The following PLA2G4D variants were observed in gnomAD, a reference collection of about 807,000 sequenced individuals.
PLA2G4D encodes phospholipase A2 group IVD, also known as cytosolic phospholipase A2 delta.
PLA2G4D carries 80 observed loss-of-function variants against 94.4 expected under a neutral mutation model. The ratio of observed to expected loss-of-function variants is 0.85; its 90% confidence interval spans 0.71 to 1.02. The LOEUF is 1.02. Among genes scored for constraint, PLA2G4D ranks in the 50% least tolerant of loss-of-function variants. The pLI, the probability that PLA2G4D is intolerant of heterozygous loss-of-function variation, is 0.00. For missense variants in PLA2G4D, 1,050 were observed against 1,034.7 expected (o/e 1.01, Z -0.20); for synonymous variants, 438 against 440.9 (o/e 0.99, Z 0.08).
At chr15:42,075,509 G>A (rs1397704202) in intron 13 of PLA2G4D, among the ~76,000 whole-genome samples, 1 of 152,184 alleles carries the variant, frequency 6.6e-6, no homozygotes, top group Non-Finnish European at 1.5e-5. Context: ...TAGTAATTAA[G>A]TTGGCTTCAT....
At chr15:42,069,258 G>A (rs1889752629) in intron 19 of PLA2G4D, among the ~76,000 whole-genome samples, 1 of 152,180 alleles carries the variant, frequency 6.6e-6, no homozygotes, top group South Asian at 2.1e-4. Flanking sequence ...CTGGGTTTGC[G>A]AATGGATTCT....
intron 13 of PLA2G4D, among the ~76,000 whole-genome samples, chr15:42,077,578 T>C (rs1056818165): frequency 5.3e-5 from 8 of 152,272 alleles, no homozygotes; most frequent in Non-Finnish European, 1.0e-4. Flanking sequence ...TACTAATCTT[T>C]GGCCCTTGTT....
In PLA2G4D at chr15:42,086,194, T is replaced by TTGGGGGGGGCG; in HGVS notation, c.387+18_387+19insCGCCCCCCCCA. On this transcript the variant is annotated intron_variant, in intron 4 of 19. Transcript: ENST00000290472. ...GGAAGAAGTGGGGCCCACGGGGACT[T>TTGGGGGGGGCG]CCCCACCCACCCACCCACCTGGGGA... The TTGGGGGGGGCG allele has an allele frequency of 1.3e-5, 18 of 1,370,420 alleles. No individual in the cohort carries two copies. Among genetic ancestry groups the TTGGGGGGGGCG allele is most frequent in the Non-Finnish European group, 1.6e-5 (17 of 1,043,062 alleles). The allele number at this position is 1,370,420 out of a possible 1,614,324, so 84.9% of individuals were successfully genotyped here.
At chr15:42,086,426 C>A in intron 3 of PLA2G4D, 82 bp from the exon 4 acceptor site, 1 of 1,440,076 alleles carries the variant, frequency 6.9e-7, no homozygotes, top group Non-Finnish European at 9.6e-7. Context: ...TACTTGATGT[C>A]TAGAGTCAGA....
At position 42,091,911 on chromosome 15, in the gene PLA2G4D, G is replaced by A. The variant is rs112320609; in HGVS notation, c.45+2504C>T. On this transcript the variant is annotated intron_variant, in intron 1 of 19. Coordinates refer to ENST00000290472, the MANE Select transcript of PLA2G4D (RefSeq NM_178034.4). ...CCTGTCCAGTGGACACGTGACCCAC[G>A]TGACCTTACCTATCATTGAAGATGA... Among the ~76,000 whole-genome samples, 110 of 152,258 alleles carry A rather than the reference G, an allele frequency of 7.2e-4. 1 individual carries two copies. The highest frequency in any genetic ancestry group is 3.4e-3 in the Middle Eastern group (1 of 294).
intron 1 of PLA2G4D, among the ~76,000 whole-genome samples, chr15:42,091,287 T>G (rs912331909): frequency 6.6e-6 from 1 of 152,220 alleles, no homozygotes; most frequent in African/African-American, 2.4e-5. Flanking sequence ...TCATTAATCA[T>G]TAGTTTGTAG....
At chr15:42,074,802 C>T (rs898839980) in intron 13 of PLA2G4D, among the ~76,000 whole-genome samples, 6 of 151,692 alleles carry the variant, frequency 4.0e-5, no homozygotes, top group African/African-American at 1.2e-4. Context: ...TAAAATTGCC[C>T]GAAGAAAACA....
chr15:42,081,813 G>C lies in PLA2G4D; in HGVS notation c.805C>G (p.Leu269Val). 1 of 1,614,090 alleles carries C rather than the reference G, an allele frequency of 6.2e-7. No homozygotes were observed. The highest frequency in any genetic ancestry group is 8.5e-7 in the Non-Finnish European group (1 of 1,180,018). Residue 269 changes from leucine (L) to valine (V), a missense_variant, in exon 10 of 20, where the codon CTC (leucine) becomes GTC (valine). Transcript: ENST00000290472. ...APNAPGVRLQ[L>V]KAEGCPEELA... ...GTCCCTTACCAGCCCTCTGCCTTGA[G>C]CTGCAGCCTCACTCCTGGGGCCTGA...
At chr15:42,077,156 TA>T (rs1336121333) in intron 13 of PLA2G4D, among the ~76,000 whole-genome samples, 1 of 152,128 alleles carries the variant, frequency 6.6e-6, no homozygotes, top group Non-Finnish European at 1.5e-5. Flanking sequence ...ACCAAACATT[TA>T]AAGAACTAAT....
intron 1 of PLA2G4D, among the ~76,000 whole-genome samples, chr15:42,090,964 G>A (rs1595600203): frequency 6.6e-6 from 1 of 152,274 alleles, no homozygotes; most frequent in East Asian, 1.9e-4. Flanking sequence ...CAGTTTCTGT[G>A]AGCCTCCCCC....
rs1022502666 is a variant in PLA2G4D, at chr15:42,083,432, T to A, written c.536-98A>T. On this transcript the variant is annotated intron_variant, in intron 7 of 19. Coordinates refer to ENST00000290472, the MANE Select transcript of PLA2G4D (RefSeq NM_178034.4). ...CCACCACCTGGATTCAGAGGATGCC[T>A]GGGAGGCTGGGCCATCGTCAACAGC... 3 of 1,496,958 alleles carry A rather than the reference T, an allele frequency of 2.0e-6. No individual in the cohort carries two copies. In the African/African-American group the frequency reaches 4.2e-5, roughly 21 times the overall value. 92.7% of individuals were successfully genotyped at this position (1,496,958 alleles called of 1,614,324 possible).
In PLA2G4D at chr15:42,081,027, G is replaced by T. The variant is rs756139181; in HGVS notation, c.1064C>A (p.Thr355Asn). ...LQKLGLLDCV[T>N]YFSGISGSTW... ...AGAGCCAGAGATGCCACTGAAGTAG[G>T]TCACACAGTCTAGGAGGCCCAGCTT... Residue 355 changes from threonine to asparagine, a missense_variant, in exon 12 of 20, where the codon ACC (threonine) becomes AAC (asparagine). By Grantham distance (65) the Thr-to-Asn change is moderately conservative. Coordinates refer to ENST00000290472, the MANE Select transcript of PLA2G4D (RefSeq NM_178034.4). 5.6e-6 allele frequency: 9 copies of T among 1,613,998 alleles called. No individual in the cohort carries two copies. The Admixed American group carries it at 1.5e-4, about 27-fold the overall frequency.
chr15:42,083,350 G>T lies in PLA2G4D; in HGVS notation c.536-16C>A, dbSNP rs1179978441. ...TTGTCCTGATCTAGGGAGAGAGTAGGCGGGTTAGCATGAGAACAAGAGCCC... is the reference window on the plus strand; with the variant it reads ...TTGTCCTGATCTAGGGAGAGAGTAGTCGGGTTAGCATGAGAACAAGAGCCC... On this transcript the variant is annotated splice_polypyrimidine_tract_variant and intron_variant, in intron 7 of 19. Coordinates refer to ENST00000290472, the MANE Select transcript of PLA2G4D (RefSeq NM_178034.4). The T allele has an allele frequency of 6.2e-7, 1 of 1,607,948 alleles. No homozygotes were observed. Among genetic ancestry groups the T allele is most frequent in the Non-Finnish European group, 8.5e-7 (1 of 1,177,808 alleles).
chr15:42,090,015 G>C (rs757188492), intron 1 of PLA2G4D, among the ~76,000 whole-genome samples: 1 of 152,172 alleles, frequency 6.6e-6, no homozygotes, highest in Non-Finnish European at 1.5e-5. Context: ...CTAACATGGA[G>C]TGCCCAGAAC....
intron 19 of PLA2G4D, among the ~76,000 whole-genome samples, chr15:42,069,431 G>C (rs926110295): frequency 1.3e-5 from 2 of 152,168 alleles, no homozygotes; most frequent in African/African-American, 4.8e-5. Flanking sequence ...GCAGCAATGA[G>C]TTTTTCCCAC....
chr15:42,093,283 G>T (rs981809948), intron 1 of PLA2G4D, among the ~76,000 whole-genome samples: 18 of 152,312 alleles, frequency 1.2e-4, no homozygotes, highest in African/African-American at 4.1e-4. Flanking sequence ...GTGTGGGGCC[G>T]ACTGAGGCTC....
Position 42,087,686 on chromosome 15 carries a change from G to C in PLA2G4D, c.60C>G (p.Thr20=), listed in dbSNP as rs746206761. The part of the protein sequence containing the change: ...PGHPYQGEAS[T]CWQLTVRVLE... ...GGACCCTCACTGTGAGCTGCCAGCA[G>C]GTAGAGGCCTCCCCCTGAAGAGAAA... Residue 20 remains threonine, a synonymous_variant, in exon 2 of 20, where the codon ACC becomes ACG. Transcript: ENST00000290472. 1.3e-5 allele frequency: 21 copies of C among 1,614,122 alleles called. No individual in the cohort carries two copies. The highest frequency in any genetic ancestry group is 1.8e-5 in the Non-Finnish European group (21 of 1,180,008).
Position 42,086,194 on chromosome 15 carries a change from T to TGGGGGGGGGGGCCG in PLA2G4D, c.387+18_387+19insCGGCCCCCCCCCCC. ...GGAAGAAGTGGGGCCCACGGGGACT[T>TGGGGGGGGGGGCCG]CCCCACCCACCCACCCACCTGGGGA... is the stretch of plus-strand genomic sequence containing the variant. On this transcript the variant is annotated intron_variant, in intron 4 of 19. Transcript: ENST00000290472. 2.2e-6 allele frequency: 3 copies of TGGGGGGGGGGGCCG among 1,370,436 alleles called. No individual in the cohort carries two copies. The highest frequency in any genetic ancestry group is 2.9e-6 in the Non-Finnish European group (3 of 1,043,076). The allele number at this position is 1,370,436 out of a possible 1,614,324, so 84.9% of individuals were successfully genotyped here.
rs748485744 is a variant in PLA2G4D, at chr15:42,087,346, G to A, written c.209C>T (p.Pro70Leu). The change falls in exon 3 of 20, where the codon CCT (proline) becomes CTT (leucine). Residue 70 changes from proline (P) to leucine (L), a missense_variant. Coordinates refer to ENST00000290472, the MANE Select transcript of PLA2G4D (RefSeq NM_178034.4). ...KTKTLTDTSH[P>L]VWNEAFRFLI... ...GAAACGGAAGGCCTCATTCCACACAGGATGACTGGTGTCGGTGAGCGTCTT... is the reference window on the plus strand; with the variant it reads ...GAAACGGAAGGCCTCATTCCACACAAGATGACTGGTGTCGGTGAGCGTCTT... The A allele has an allele frequency of 6.2e-7, 1 of 1,614,200 alleles. No individual in the cohort carries two copies.
Sources: allele counts gnomAD v4.1 joint callset (sites outside exome capture counted in the v4.1 genomes callset), GRCh38; gene constraint gnomAD v4.1.1; transcripts MANE v1.5; gene names NCBI Gene and HGNC (gene_info 2026-07-23, HGNC 2026-07-21).